The following TCF7 variants were observed in gnomAD, a reference collection of about 807,000 sequenced individuals.
TCF7 encodes transcription factor 7, also known as T-cell-factor-7.
A neutral mutation model predicts 46.8 loss-of-function variants in TCF7; 19 were observed. The ratio of observed to expected loss-of-function variants is 0.41; its 90% CI spans 0.28 to 0.60. The LOEUF (loss-of-function observed/expected upper bound fraction) is 0.60. Among genes scored for constraint, TCF7 ranks in the 20% least tolerant of loss-of-function variants. The pLI, the probability that TCF7 is intolerant of heterozygous loss-of-function variation, is 0.35. For synonymous variants in TCF7, 245 were observed against 213.4 expected, an observed-to-expected ratio of 1.15 and a Z score of -1.29; for missense variants, 547 against 504.6, an observed-to-expected ratio of 1.08 and a Z score of -0.81.
At chr5:134,145,367 C>G in intron 9 of TCF7, 1 of 548,024 alleles carries the variant, frequency 1.8e-6, no homozygotes, top group Non-Finnish European at 3.6e-6. Flanking sequence ...CTATCTTGTA[C>G]CTACTGATAC....
At chr5:134,146,122 C>A in intron 9 of TCF7, 102 bp from the exon 10 acceptor site, 1 of 1,609,154 alleles carries the variant, frequency 6.2e-7, no homozygotes, top group Non-Finnish European at 8.5e-7. Context: ...GAAGAGAGGA[C>A]AAGGAATCAG....
upstream of TCF7, among the ~76,000 whole-genome samples, chr5:134,114,119 AG>A (rs1456458881): frequency 6.6e-6 from 1 of 152,196 alleles, no homozygotes; most frequent in Non-Finnish European, 1.5e-5. Context: ...AAATGTGCGA[AG>A]GGGGGTATAC....
chr5:134,114,835 G>A lies in TCF7; in HGVS notation c.-72G>A, dbSNP rs922116272. 2 of 980,482 alleles carry A rather than the reference G, an allele frequency of 2.0e-6. No individual in the cohort carries two copies. Among genetic ancestry groups the A allele is most frequent in the Non-Finnish European group, 1.2e-6 (1 of 827,936 alleles). 60.7% of individuals were successfully genotyped at this position (980,482 alleles called of 1,614,324 possible). A position where few individuals can be genotyped will look rare whatever the true frequency, so the allele number is the denominator to read the frequency against. On this transcript the variant is annotated 5_prime_UTR_variant, in exon 1 of 10. Transcript: ENST00000342854. ...CGGAGGTTCGGACTCCGGGCTCGCC[G>A]CCCCCCGGGCCGGCTCCGCGCCCCG...
chr5:134,145,214 C>T, intron 9 of TCF7: 1 of 573,762 alleles, frequency 1.7e-6, no homozygotes. Context: ...TTCTACCAGG[C>T]CTCAAAGTCA....
intron 8 of TCF7, 108 bp downstream of exon 8, chr5:134,143,208 C>A: frequency 7.9e-7 from 1 of 1,261,972 alleles, no homozygotes; most frequent in Non-Finnish European, 1.1e-6. Context: ...CTGAAGGCAC[C>A]GATGAGGAAG....
At position 134,147,973 on chromosome 5, in the gene TCF7, C is replaced by CAAAAAAA. The variant is rs57382538; in HGVS notation, c.*1688_*1694dup. ...TCTGGGTAACAGGGAGACTGCATCT[C>CAAAAAAA]AAAAAAAAAAAAAAAAAAAAAAAAG... On this transcript the variant is annotated 3_prime_UTR_variant, in exon 10 of 10. Coordinates refer to ENST00000342854, the MANE Select transcript of TCF7 (RefSeq NM_003202.5). 6.2e-5 allele frequency: 3 copies of CAAAAAAA among 48,162 alleles called. 1 individual carries two copies. Among genetic ancestry groups the CAAAAAAA allele is most frequent in the Admixed American group, 2.5e-4 (1 of 3,990 alleles). 3.0% of individuals were successfully genotyped at this position (48,162 alleles called of 1,614,324 possible).
intron 3 of TCF7, among the ~76,000 whole-genome samples, chr5:134,119,299 G>GA (rs892361566): frequency 3.1e-4 from 47 of 152,292 alleles, no homozygotes; most frequent in African/African-American, 1.1e-3. Context: ...CATAGAGACA[G>GA]AAAGAGGATT....
At chr5:134,121,223 C>T (rs1392479241) in intron 3 of TCF7, among the ~76,000 whole-genome samples, 1 of 151,988 alleles carries the variant, frequency 6.6e-6, no homozygotes, top group Non-Finnish European at 1.5e-5. Flanking sequence ...AGAGACTCCC[C>T]TTCCTCAGTC....
chr5:134,123,779 C>T lies in TCF7; in HGVS notation c.441+7746C>T, dbSNP rs1489407687. The T allele has an allele frequency of 1.3e-5, 6 of 456,320 alleles. No individual in the cohort carries two copies. The Admixed American group carries it at 1.4e-4, about 11-fold the overall frequency. 28.3% of individuals were successfully genotyped at this position (456,320 alleles called of 1,614,324 possible). On this transcript the variant is annotated intron_variant, in intron 3 of 9. Transcript: ENST00000342854. ...ATGGTAGGGCAAGGCGGTACCCACC[C>T]ACAGATGGTGTGAATTGGACATGGC... is the stretch of plus-strand genomic sequence containing the variant.
chr5:134,124,524 G>A (rs1309797464), intron 3 of TCF7, among the ~76,000 whole-genome samples: 2 of 152,110 alleles, frequency 1.3e-5, no homozygotes, highest in African/African-American at 4.8e-5. Context: ...GAGGTCACCT[G>A]CCTGGGCTCT....
chr5:134,138,005 GTCTT>G, intron 3 of TCF7, 50 bp from the exon 4 acceptor site: 1 of 1,430,478 alleles, frequency 7.0e-7, no homozygotes. Flanking sequence ...TCATCCCAGT[GTCTT>G]CCTCCCTCAG....
At chr5:134,140,252 A>G (rs1485697284) in intron 5 of TCF7, among the ~76,000 whole-genome samples, 4 of 152,200 alleles carry the variant, frequency 2.6e-5, no homozygotes, top group Non-Finnish European at 2.9e-5. Context: ...ACTGATCGTT[A>G]GGTCCCTGCC....
At chr5:134,145,784 G>C (rs1322397791) in intron 9 of TCF7, 1 of 1,613,840 alleles carries the variant, frequency 6.2e-7, no homozygotes, top group Non-Finnish European at 8.5e-7. Context: ...ATGGACAAGA[G>C]TCACTGTCCA....
At chr5:134,129,206 C>A (rs891502269) in intron 3 of TCF7, among the ~76,000 whole-genome samples, 1 of 152,230 alleles carries the variant, frequency 6.6e-6, no homozygotes, top group Non-Finnish European at 1.5e-5. Context: ...GGGATTCCGG[C>A]AGGGGTGGAG....
intron 5 of TCF7, 119 bp from the exon 6 acceptor site, chr5:134,142,066 T>TA: frequency 7.1e-7 from 1 of 1,408,478 alleles, no homozygotes; most frequent in Non-Finnish European, 9.8e-7. Context: ...GCCAGTAGGA[T>TA]AGAGTATCTA....
upstream of TCF7, among the ~76,000 whole-genome samples, chr5:134,114,436 G>A (rs907135490): frequency 2.7e-4 from 41 of 152,266 alleles, no homozygotes; most frequent in Admixed American, 2.0e-4. Context: ...GAAAGCAGGG[G>A]GAATATCTGG....
At chr5:134,131,884 A>G (rs1300607908) in intron 3 of TCF7, among the ~76,000 whole-genome samples, 1 of 152,222 alleles carries the variant, frequency 6.6e-6, no homozygotes, top group Non-Finnish European at 1.5e-5. Context: ...GCAGGCTGAC[A>G]TGGCTGTGCC....
intron 3 of TCF7, among the ~76,000 whole-genome samples, chr5:134,134,648 C>T (rs1335005891): frequency 6.6e-6 from 1 of 152,202 alleles, no homozygotes; most frequent in Non-Finnish European, 1.5e-5. Context: ...AGAACTTTTG[C>T]ATCTGTGACC....
intron 3 of TCF7, among the ~76,000 whole-genome samples, chr5:134,137,189 C>T (rs1345895903): frequency 2.0e-5 from 3 of 152,112 alleles, no homozygotes; most frequent in Admixed American, 6.5e-5. Context: ...TCTGGGAGGC[C>T]GAGGCAGGTG....
Sources: gnomAD v4.1 joint callset for allele counts (sites outside exome capture counted in the v4.1 genomes callset) on GRCh38, gnomAD v4.1.1 for gene constraint, MANE v1.5 for transcripts, NCBI Gene and HGNC (gene_info 2026-07-23, HGNC 2026-07-21) for gene names.